The following PTPRD variants were observed in gnomAD, a reference collection of about 807,000 sequenced individuals.
PTPRD encodes protein tyrosine phosphatase receptor type D, also known as receptor-type tyrosine-protein phosphatase delta.
PTPRD carries 34 observed loss-of-function variants against 214.5 expected under a neutral mutation model. The observed-to-expected ratio is 0.16, with a 90% confidence interval of 0.12 to 0.21. The LOEUF is 0.21. Among genes scored for constraint, PTPRD ranks in the 10% least tolerant of loss-of-function variants. PTPRD has a pLI of 1.00. For synonymous variants in PTPRD, 1,128 were observed against 845.7 expected, an observed-to-expected ratio of 1.33 and a Z score of -5.79; for missense variants, 2,545 against 2,398.7, an observed-to-expected ratio of 1.06 and a Z score of -1.27.
intron 9 of PTPRD, among the ~76,000 whole-genome samples, chr9:9,388,854 G>C (rs761448593): frequency 6.6e-6 from 1 of 152,082 alleles, no homozygotes; most frequent in African/African-American, 2.4e-5. Context: ...CTGAGATAAT[G>C]AGTATAAGGG....
At chr9:9,281,089 A>T (rs1166696216) in intron 9 of PTPRD, among the ~76,000 whole-genome samples, 1 of 151,342 alleles carries the variant, frequency 6.6e-6, no homozygotes, top group Non-Finnish European at 1.5e-5. Flanking sequence ...CAGATCCTAC[A>T]CTGCTCCCAT....
chr9:8,668,530 T>G (rs1278999099), intron 12 of PTPRD, among the ~76,000 whole-genome samples: 2 of 152,196 alleles, frequency 1.3e-5, no homozygotes, highest in South Asian at 2.1e-4. Flanking sequence ...AGATAATTTC[T>G]GATTTTTAAT....
At chr9:9,764,792 G>A (rs112472065) in intron 6 of PTPRD, among the ~76,000 whole-genome samples, 10 of 152,188 alleles carry the variant, frequency 6.6e-5, no homozygotes, top group African/African-American at 2.4e-4. Context: ...ACCCAGGAAG[G>A]TCCAATTTCA....
At position 10,611,443 on chromosome 9, in the gene PTPRD, A is replaced by C. The variant is rs149859792; in HGVS notation, c.-600+955T>G. On this transcript the variant is annotated intron_variant, in intron 2 of 45. Transcript: ENST00000381196. ...ACTATATTTTTCCTGACATAACACA[A>C]AGGTTTTATTTAGATATTACAAAAT... 2.7e-3 allele frequency among the ~76,000 whole-genome samples: 410 copies of C among 152,310 alleles called. 4 individuals are homozygous for C. Among genetic ancestry groups the C allele is most frequent in the African/African-American group, 9.4e-3 (390 of 41,564 alleles).
At chr9:9,364,502 G>C (rs1472322035) in intron 9 of PTPRD, among the ~76,000 whole-genome samples, 1 of 151,368 alleles carries the variant, frequency 6.6e-6, no homozygotes, top group African/African-American at 2.4e-5. Flanking sequence ...GCAAATTGTT[G>C]AATGGTATGA....
At chr9:9,136,906 A>C (rs1174330779) in intron 10 of PTPRD, among the ~76,000 whole-genome samples, 7 of 152,134 alleles carry the variant, frequency 4.6e-5, no homozygotes, top group Admixed American at 2.0e-4. Context: ...ATTGCCTTCA[A>C]CTGGTAGGGG....
intron 14 of PTPRD, among the ~76,000 whole-genome samples, chr9:8,625,869 TAAA>T (rs77897424): frequency 1.4e-5 from 2 of 139,874 alleles, no homozygotes; most frequent in Non-Finnish European, 3.1e-5. Flanking sequence ...GCCCAGTAGT[TAAA>T]AAAAAAAAAA....
At chr9:8,734,905 A>G (rs2089778649) in intron 11 of PTPRD, among the ~76,000 whole-genome samples, 1 of 152,156 alleles carries the variant, frequency 6.6e-6, no homozygotes, top group Non-Finnish European at 1.5e-5. Flanking sequence ...CAGGATTTTA[A>G]CAAGATGACG....
At chr9:10,364,523 A>G (rs1284054399) in intron 2 of PTPRD, among the ~76,000 whole-genome samples, 2 of 152,132 alleles carry the variant, frequency 1.3e-5, no homozygotes, top group African/African-American at 2.4e-5. Flanking sequence ...TAACTGCTGT[A>G]CTCCAGGCTG....
intron 4 of PTPRD, among the ~76,000 whole-genome samples, chr9:10,009,734 G>A (rs1211655732): frequency 2.6e-5 from 4 of 151,954 alleles, no homozygotes; most frequent in African/African-American, 9.7e-5. Flanking sequence ...GCAAAGGACA[G>A]CTTTGCAGGG....
chr9:8,979,645 A>G (rs956974290), intron 11 of PTPRD, among the ~76,000 whole-genome samples: 10 of 152,160 alleles, frequency 6.6e-5, no homozygotes, highest in Non-Finnish European at 1.0e-4. Context: ...GTTGCTCAAC[A>G]TCACTAATTA....
At chr9:8,648,168 G>A (rs1049712625) in intron 12 of PTPRD, among the ~76,000 whole-genome samples, 5 of 152,212 alleles carry the variant, frequency 3.3e-5, no homozygotes, top group Non-Finnish European at 7.3e-5. Flanking sequence ...AGGGAAATTT[G>A]TCATAATTCA....
At chr9:9,037,447 T>C (rs1300606370) in intron 10 of PTPRD, among the ~76,000 whole-genome samples, 1 of 152,160 alleles carries the variant, frequency 6.6e-6, no homozygotes, top group Admixed American at 6.6e-5. Flanking sequence ...GGGTGAACTT[T>C]TCAGCAGTAC....
intron 4 of PTPRD, among the ~76,000 whole-genome samples, chr9:10,012,358 G>T (rs1464968965): frequency 6.6e-6 from 1 of 151,648 alleles, no homozygotes; most frequent in African/African-American, 2.4e-5. Context: ...TGGAAAAGCA[G>T]ATGGAAAAAA....
chr9:9,671,864 G>A (rs2096838755), intron 7 of PTPRD, among the ~76,000 whole-genome samples: 1 of 152,150 alleles, frequency 6.6e-6, no homozygotes, highest in African/African-American at 2.4e-5. Flanking sequence ...TCAGCAGCAT[G>A]AAAATGGACT....
chr9:9,247,533 C>T (rs1046543820), intron 9 of PTPRD, among the ~76,000 whole-genome samples: 47 of 152,158 alleles, frequency 3.1e-4, no homozygotes, highest in African/African-American at 1.1e-3. Flanking sequence ...AGGTATCACA[C>T]ACTTTCTGCC....
chr9:9,245,095 T>C (rs1013028702), intron 9 of PTPRD, among the ~76,000 whole-genome samples: 7 of 152,266 alleles, frequency 4.6e-5, no homozygotes, highest in Non-Finnish European at 1.0e-4. Flanking sequence ...AGATATCGTC[T>C]CATACCAGTT....
At chr9:9,787,100 A>G (rs947174423) in intron 5 of PTPRD, among the ~76,000 whole-genome samples, 13 of 151,952 alleles carry the variant, frequency 8.6e-5, no homozygotes, top group African/African-American at 2.9e-4. Context: ...TCGCACCACT[A>G]CACTCCAGCC....
intron 14 of PTPRD, among the ~76,000 whole-genome samples, chr9:8,616,314 T>C (rs551972096): frequency 2.0e-5 from 3 of 152,240 alleles, no homozygotes; most frequent in Middle Eastern, 3.4e-3. Context: ...AGTTGTAACA[T>C]GGCAGATGAG....
Sources: allele counts gnomAD v4.1 joint callset (sites outside exome capture counted in the v4.1 genomes callset), GRCh38; gene constraint gnomAD v4.1.1; transcripts MANE v1.5; gene names NCBI Gene and HGNC (gene_info 2026-07-23, HGNC 2026-07-21).